SAMD4B: variants seen among roughly 807,000 people sequenced by gnomAD.
SAMD4B encodes the protein protein Smaug homolog 2.
In SAMD4B, 5 loss-of-function variants were observed where a neutral mutation model predicts 74.5. The observed-to-expected ratio is 0.07, with a 90% CI of 0.04 to 0.14. SAMD4B has a LOEUF of 0.14. Among genes scored for constraint, SAMD4B ranks in the 10% least tolerant of loss-of-function variants. The probability of loss-of-function intolerance (pLI) is 1.00; values close to 1 mark genes in which losing one functional copy is unlikely to be tolerated. For missense variants in SAMD4B, 608 were observed against 921.8 expected, an observed-to-expected ratio of 0.66 and a Z score of 4.41; for synonymous variants, 373 against 374.9, an observed-to-expected ratio of 1.00 and a Z score of 0.06.
chr19:39,360,897 C>A (rs529626232), intron 3 of SAMD4B, among the ~76,000 whole-genome samples: 9 of 152,218 alleles, frequency 5.9e-5, no homozygotes, highest in African/African-American at 2.2e-4. Context: ...GAACGAGTAC[C>A]CAGGTTCTTC....
intron 3 of SAMD4B, among the ~76,000 whole-genome samples, chr19:39,365,043 T>C (rs1222578996): frequency 2.0e-5 from 3 of 150,694 alleles, no homozygotes; most frequent in Non-Finnish European, 4.4e-5. Flanking sequence ...ATCGAGACCA[T>C]CCTGGCTAAC....
rs374515894 is a variant in SAMD4B, at chr19:39,380,581, T to C, written c.1650-6T>C. ...AATTAACACCCTGCCTTCTGCTCTC[T>C]CATAGCTGGGCATTCGGCTCCAACT... On this transcript the variant is annotated splice_polypyrimidine_tract_variant and splice_region_variant and intron_variant, in intron 10 of 13. Coordinates refer to ENST00000610417, the MANE Select transcript of SAMD4B (RefSeq NM_001384574.2). The C allele has an allele frequency of 2.2e-5, 36 of 1,614,036 alleles. No homozygotes were observed. In the African/African-American group the frequency reaches 4.7e-4, roughly 21 times the overall value.
intron 9 of SAMD4B, among the ~76,000 whole-genome samples, chr19:39,379,697 A>G (rs373826422): frequency 6.6e-4 from 101 of 152,212 alleles, no homozygotes; most frequent in African/African-American, 2.0e-3. Flanking sequence ...CAGCCTCCCA[A>G]GTATCTGGGA....
intron 3 of SAMD4B, 96 bp from the exon 4 acceptor site, chr19:39,369,559 A>G: frequency 1.1e-6 from 1 of 931,582 alleles, no homozygotes; most frequent in Non-Finnish European, 1.6e-6. Context: ...TGAAAAGAAG[A>G]TTGGAGCTGA....
intron 1 of SAMD4B, among the ~76,000 whole-genome samples, chr19:39,342,976 T>C (rs2075409311): frequency 1.4e-5 from 2 of 141,948 alleles, no homozygotes; most frequent in South Asian, 4.5e-4. Context: ...CCTCGAGCCC[T>C]TCATGGGTCC....
chr19:39,381,910 C>T (rs919184827), intron 12 of SAMD4B, among the ~76,000 whole-genome samples: 2 of 152,128 alleles, frequency 1.3e-5, no homozygotes, highest in East Asian at 1.9e-4. Flanking sequence ...GCAGCCAGGG[C>T]GACAGTGAGA....
intron 1 of SAMD4B, among the ~76,000 whole-genome samples, chr19:39,353,750 C>T (rs768335620): frequency 3.9e-5 from 6 of 152,010 alleles, no homozygotes; most frequent in South Asian, 2.1e-4. Context: ...TACAGGCGCC[C>T]GCCACCACAC....
Position 39,383,189 on chromosome 19 carries a change from TCTC to T in SAMD4B, c.1973-15_1973-13del, listed in dbSNP as rs747227553. 14 of 1,610,742 alleles carry T rather than the reference TCTC, an allele frequency of 8.7e-6. No homozygotes were observed. In the East Asian group the frequency reaches 1.1e-4, roughly 13 times the overall value. On this transcript the variant is annotated splice_polypyrimidine_tract_variant and intron_variant, in intron 12 of 13. Transcript: ENST00000610417. The surrounding 1 kb of genome is among the most constrained non-coding windows in gnomAD (Gnocchi z 4.1). ...TCCAGTTGGTCCTTACCACCCCCAT[TCTC>T]CTCTCTCCCACCCAGACTGCCCGGT...
At chr19:39,359,513 A>G (rs2145467618) in intron 3 of SAMD4B, among the ~76,000 whole-genome samples, 1 of 152,344 alleles carries the variant, frequency 6.6e-6, no homozygotes, top group East Asian at 1.9e-4. Context: ...CCAAACATGC[A>G]TATTAACCAG....
In SAMD4B at chr19:39,350,414, C is replaced by T. The variant is rs2075967470; in HGVS notation, c.-266-3592C>T. The T allele has an allele frequency of 1.1e-4, 17 of 152,208 alleles. 1 individual carries two copies. Among genetic ancestry groups the T allele is most frequent in the Admixed American group, 1.1e-3 (17 of 15,276 alleles). The allele number at this position is 152,208 out of a possible 1,614,324, so 9.4% of individuals were successfully genotyped here. A position where few individuals can be genotyped will look rare whatever the true frequency, so the allele number is the denominator to read the frequency against. ...AGGCACTGTTTATGGGCATATGGGC[C>T]TTTTCTCACTGTTTGGGGCCAGAGA... On this transcript the variant is annotated intron_variant, in intron 1 of 13. Transcript: ENST00000610417.
chr19:39,369,614 C>T, intron 3 of SAMD4B, 41 bp from the exon 4 acceptor site: 1 of 1,531,662 alleles, frequency 6.5e-7, no homozygotes. Context: ...AGGAGTACCC[C>T]ACCCTGGCTC....
chr19:39,344,196 G>A (rs1255158905), intron 1 of SAMD4B, among the ~76,000 whole-genome samples: 1 of 150,610 alleles, frequency 6.6e-6, no homozygotes, highest in East Asian at 1.9e-4. Flanking sequence ...CCTTGAAGAA[G>A]ACCCTCACAC....
intron 9 of SAMD4B, among the ~76,000 whole-genome samples, chr19:39,379,549 G>C (rs1487389310): frequency 1.3e-5 from 2 of 152,176 alleles, no homozygotes; most frequent in African/African-American, 2.4e-5. Flanking sequence ...GAATTGCCTG[G>C]CACAGGCACA....
intron 9 of SAMD4B, among the ~76,000 whole-genome samples, chr19:39,379,619 G>A (rs2077829138): frequency 6.6e-6 from 1 of 152,168 alleles, no homozygotes; most frequent in Non-Finnish European, 1.5e-5. Context: ...TGCCCAGGCT[G>A]GAGTGCAATG....
At chr19:39,376,586 C>G in intron 6 of SAMD4B, 40 bp downstream of exon 6, 1 of 1,591,464 alleles carries the variant, frequency 6.3e-7, no homozygotes. Context: ...CTGGGGGCAG[C>G]GCTAGTTTGG....
Position 39,367,714 on chromosome 19 carries a change from G to A in SAMD4B, c.197-1941G>A, listed in dbSNP as rs141392221. The stretch of plus-strand genomic sequence containing the variant: ...AGTAGAGACAGGCTTTCACCATGTC[G>A]GCCAGGCTGGTCTCCAGCTCCTGAC... On this transcript the variant is annotated intron_variant, in intron 3 of 13. Transcript: ENST00000610417. Among the ~76,000 whole-genome samples the A allele has an allele frequency of 2.8e-3, 423 of 150,766 alleles. 1 individual carries two copies. Among genetic ancestry groups the A allele is most frequent in the African/African-American group, 9.5e-3 (392 of 41,324 alleles).
At chr19:39,359,315 C>T (rs6508860) in intron 3 of SAMD4B, among the ~76,000 whole-genome samples, 24,825 of 152,096 alleles carry the variant, frequency 0.16, 3,814 homozygotes, top group African/African-American at 0.41. Flanking sequence ...AATTTCAGTG[C>T]TTTTAGTTTT....
At chr19:39,349,548 G>A (rs540776884) in intron 1 of SAMD4B, among the ~76,000 whole-genome samples, 8 of 152,260 alleles carry the variant, frequency 5.3e-5, no homozygotes, top group East Asian at 1.9e-4. Context: ...TTTTGTGTAC[G>A]TATTTCAGGA....
At chr19:39,357,110 A>C in intron 3 of SAMD4B, 21 bp downstream of exon 3, 1 of 1,583,220 alleles carries the variant, frequency 6.3e-7, no homozygotes, top group South Asian at 1.1e-5. Context: ...ACCCTTAGAG[A>C]TGGGAGCACA....
Sources: gnomAD v4.1 joint callset for allele counts (sites outside exome capture counted in the v4.1 genomes callset) on GRCh38, gnomAD v4.1.1 for gene constraint, Gnocchi (gnomAD v3.1) non-coding constraint, MANE v1.5 for transcripts, NCBI Gene and HGNC (gene_info 2026-07-23, HGNC 2026-07-21) for gene names.